AP3B1: variants seen among roughly 807,000 people sequenced by gnomAD.
AP3B1 encodes AP-3 complex subunit beta-1.
In AP3B1, 61 loss-of-function variants were observed where a neutral mutation model predicts 132.5. That is an observed-to-expected ratio of 0.46 (90% CI 0.37 to 0.57). The LOEUF (loss-of-function observed/expected upper bound fraction) is 0.57. Ranked by LOEUF, AP3B1 falls within the 20% of genes least tolerant of loss-of-function variation. The pLI is 0.00. For missense variants in AP3B1, 1,120 were observed against 1,289.4 expected (o/e 0.87, Z 2.01); for synonymous variants, 388 against 438.3 (o/e 0.89, Z 1.43).
intron 14 of AP3B1, among the ~76,000 whole-genome samples, chr5:78,143,374 C>T (rs1182674184): frequency 6.6e-6 from 1 of 152,058 alleles, no homozygotes; most frequent in Non-Finnish European, 1.5e-5. Flanking sequence ...CAATAAAAAT[C>T]TCAAGATGGT....
intron 6 of AP3B1, among the ~76,000 whole-genome samples, chr5:78,217,131 A>T (rs190352462): frequency 7.9e-5 from 12 of 152,272 alleles, no homozygotes; most frequent in Admixed American, 7.8e-4. Context: ...TTAGTGTCTA[A>T]AATTTCCCCA....
chr5:78,103,143 T>G (rs547232889), intron 20 of AP3B1, among the ~76,000 whole-genome samples: 86 of 152,342 alleles, frequency 5.6e-4, no homozygotes, highest in Non-Finnish European at 9.7e-4. Flanking sequence ...ATTTCATTTT[T>G]CATTTTAAAA....
At chr5:78,207,098 A>G (rs1745537977) in intron 7 of AP3B1, among the ~76,000 whole-genome samples, 1 of 152,062 alleles carries the variant, frequency 6.6e-6, no homozygotes, top group Non-Finnish European at 1.5e-5. Context: ...TCTCTACCAG[A>G]AACACAAAAA....
intron 22 of AP3B1, among the ~76,000 whole-genome samples, chr5:78,072,528 G>T (rs1266592193): frequency 4.0e-5 from 6 of 151,796 alleles, no homozygotes; most frequent in Non-Finnish European, 8.8e-5. Context: ...TTTTTTGGGG[G>T]GAGTATTATT....
chr5:78,130,621 C>T (rs1324234990), intron 15 of AP3B1, among the ~76,000 whole-genome samples: 1 of 152,012 alleles, frequency 6.6e-6, no homozygotes, highest in African/African-American at 2.4e-5. Context: ...TTCTATGATT[C>T]ATTTTTTAAG....
At chr5:78,085,346 C>T (rs1007755149) in intron 22 of AP3B1, among the ~76,000 whole-genome samples, 2 of 152,244 alleles carry the variant, frequency 1.3e-5, no homozygotes, top group Admixed American at 6.5e-5. Context: ...TATATTTCCT[C>T]CTCTATGAAT....
intron 26 of AP3B1, among the ~76,000 whole-genome samples, chr5:78,013,640 G>A (rs1746713175): frequency 6.6e-6 from 1 of 152,068 alleles, no homozygotes; most frequent in African/African-American, 2.4e-5. Flanking sequence ...TTCTGTTAGA[G>A]AAAATTACCT....
At chr5:78,066,383 T>A (rs1749290163) in intron 22 of AP3B1, among the ~76,000 whole-genome samples, 1 of 152,188 alleles carries the variant, frequency 6.6e-6, no homozygotes, top group Non-Finnish European at 1.5e-5. Flanking sequence ...TAAAGGAGCA[T>A]GTTCTAACCC....
chr5:78,159,741 C>T (rs76230032), intron 13 of AP3B1, among the ~76,000 whole-genome samples: 6,203 of 152,274 alleles, frequency 0.041, 192 homozygotes, highest in East Asian at 0.13. Flanking sequence ...ATCTTTGGAA[C>T]GCAATAATTC....
chr5:78,099,797 G>A (rs1177897356), intron 21 of AP3B1, among the ~76,000 whole-genome samples: 1 of 151,834 alleles, frequency 6.6e-6, no homozygotes, highest in Non-Finnish European at 1.5e-5. Context: ...GCTGAGGCAG[G>A]AGAACTGCTC....
At chr5:78,231,520 T>C (rs930759517) in intron 3 of AP3B1, among the ~76,000 whole-genome samples, 2 of 152,042 alleles carry the variant, frequency 1.3e-5, no homozygotes, top group Non-Finnish European at 2.9e-5. Flanking sequence ...ATGATCTCAC[T>C]TCTGTATAAA....
At chr5:78,206,909 C>G (rs1265650494) in intron 7 of AP3B1, among the ~76,000 whole-genome samples, 1 of 151,736 alleles carries the variant, frequency 6.6e-6, no homozygotes, top group Admixed American at 6.6e-5. Flanking sequence ...ATCACATGAG[C>G]CCCAGAGTTC....
chr5:78,154,752 C>T (rs577215677), intron 14 of AP3B1, among the ~76,000 whole-genome samples: 2 of 152,274 alleles, frequency 1.3e-5, no homozygotes, highest in East Asian at 3.9e-4. Flanking sequence ...ATGCAATCTT[C>T]AGTATATCAA....
chr5:78,221,114 T>C (rs766971682), intron 6 of AP3B1, among the ~76,000 whole-genome samples: 27 of 151,986 alleles, frequency 1.8e-4, no homozygotes, highest in Non-Finnish European at 3.4e-4. Flanking sequence ...TCGAAATAGT[T>C]TGGGGACATA....
intron 7 of AP3B1, among the ~76,000 whole-genome samples, chr5:78,194,677 T>C (rs1359271884): frequency 6.6e-6 from 1 of 152,116 alleles, no homozygotes; most frequent in East Asian, 1.9e-4. Flanking sequence ...AATAAATAAA[T>C]GAGGGAGAAA....
intron 11 of AP3B1, among the ~76,000 whole-genome samples, chr5:78,168,394 T>G (rs1486807302): frequency 6.6e-6 from 1 of 151,894 alleles, no homozygotes; most frequent in East Asian, 1.9e-4. Context: ...CAGCTTATTT[T>G]AAATTTTTTT....
chr5:78,038,992 A>G (rs763066332), intron 23 of AP3B1, 51 bp downstream of exon 23: 164 of 1,117,550 alleles, frequency 1.5e-4, no homozygotes, highest in Non-Finnish European at 1.7e-4. Flanking sequence ...TAAAATGAAC[A>G]TATTTAGTGA....
intron 22 of AP3B1, among the ~76,000 whole-genome samples, chr5:78,066,123 C>T (rs1277860049): frequency 8.5e-5 from 13 of 152,170 alleles, no homozygotes; most frequent in Admixed American, 1.3e-4. Context: ...CAAGCAACAA[C>T]AGCATCAACA....
chr5:78,006,231 C>A (rs1032506166), intron 26 of AP3B1, among the ~76,000 whole-genome samples: 11 of 152,176 alleles, frequency 7.2e-5, no homozygotes, highest in African/African-American at 2.7e-4. Context: ...GGGCCACACA[C>A]CAAATTTCTG....
Sources: allele counts gnomAD v4.1 joint callset (sites outside exome capture counted in the v4.1 genomes callset), GRCh38; gene constraint gnomAD v4.1.1; transcripts MANE v1.5; gene names NCBI Gene and HGNC (gene_info 2026-07-23, HGNC 2026-07-21).